The following CCDC27 variants were observed in gnomAD, a reference collection of about 807,000 sequenced individuals.
CCDC27 encodes the protein coiled-coil domain containing 27.
A neutral mutation model predicts 80.3 loss-of-function variants in CCDC27; 80 were observed. The observed-to-expected ratio is 1.00, with a 90% CI of 0.83 to 1.20. The LOEUF (loss-of-function observed/expected upper bound fraction) is 1.20, where lower values mean the gene tolerates loss of function less well. Ranked by LOEUF, CCDC27 falls within the 50% of genes most tolerant of loss-of-function variation. The pLI is 0.00. For missense variants in CCDC27, 815 were observed against 809.4 expected (o/e 1.01, Z -0.08); for synonymous variants, 342 against 334.3 (o/e 1.02, Z -0.25).
At chr1:3,754,519 G>T (rs1308278043) in intron 2 of CCDC27, among the ~76,000 whole-genome samples, 1 of 152,102 alleles carries the variant, frequency 6.6e-6, no homozygotes, top group Admixed American at 6.5e-5. Flanking sequence ...AATTCAGTAG[G>T]GTCAGGGGCT....
chr1:3,753,941 G>A (rs1570698165), intron 1 of CCDC27, among the ~76,000 whole-genome samples, 177 bp from the exon 2 acceptor site: 1 of 152,106 alleles, frequency 6.6e-6, no homozygotes, highest in African/African-American at 2.4e-5. Context: ...CAGGTCTCTG[G>A]GGAGGCCTGA....
intron 1 of CCDC27, among the ~76,000 whole-genome samples, chr1:3,753,880 A>G (rs1019220056): frequency 1.3e-5 from 2 of 151,970 alleles, no homozygotes; most frequent in East Asian, 3.9e-4. Flanking sequence ...AGGATGCCTA[A>G]GAAGCTCTCG....
rs752552695 is a variant in CCDC27 at position 3,755,510 on chromosome 1, T to C, written c.496T>C (p.Trp166Arg). 6.2e-7 allele frequency: 1 copy of C among 1,614,170 alleles called. No homozygotes were observed. The highest frequency in any genetic ancestry group is 1.7e-5 in the Admixed American group (1 of 60,034). ...AGAGATTGACAACAGCTCGGAGACC[T>C]GGAGAGGCACCCAGGACCTGTTCTT... is the stretch of plus-strand genomic sequence containing the variant. ...SGEIDNSSET[W>R]RGTQDLFLAR... The change falls in exon 3 of 12, where the codon TGG (tryptophan) becomes CGG (arginine). Residue 166 changes from tryptophan to arginine, a missense_variant. Physicochemically the swap from Trp to Arg is moderately radical, Grantham distance 101 (BLOSUM62 -3). Coordinates refer to ENST00000294600, the MANE Select transcript of CCDC27 (RefSeq NM_152492.3).
In CCDC27 at chr1:3,760,296, T is replaced by C. The variant is rs1349281505; in HGVS notation, c.712-985T>C. Among the ~76,000 whole-genome samples the C allele has an allele frequency of 3.9e-5, 6 of 152,192 alleles. No individual in the cohort carries two copies. Among genetic ancestry groups the C allele is most frequent in the Non-Finnish European group, 8.8e-5 (6 of 68,050 alleles). ...ACTTTTCCATTCCCCAAATGTTAAATGTGGCCACGTTTGCTTTATCCTTCT... is the reference window on the plus strand; with the variant it reads ...ACTTTTCCATTCCCCAAATGTTAAACGTGGCCACGTTTGCTTTATCCTTCT... On this transcript the variant is annotated intron_variant, in intron 4 of 11. Coordinates refer to ENST00000294600, the MANE Select transcript of CCDC27 (RefSeq NM_152492.3). The surrounding 1 kb of genome is among the most constrained non-coding windows in gnomAD (Gnocchi z 4.3).
In CCDC27 at chr1:3,766,211, T is replaced by C. The variant is rs1181308545; in HGVS notation, c.1453-324T>C. Among the ~76,000 whole-genome samples, 1 of 152,166 alleles carries C rather than the reference T, an allele frequency of 6.6e-6. No homozygotes were observed. The highest frequency in any genetic ancestry group is 2.4e-5 in the African/African-American group (1 of 41,432). On this transcript the variant is annotated intron_variant, in intron 8 of 11. Transcript: ENST00000294600. This position sits in a 1 kb window ranked among gnomAD's most constrained non-coding sequence, Gnocchi z 6.1. ...ATAACATTCCACCAATCATCCTCAT[T>C]TTAGCCTCCATGTTTAGAAGAACCC...
chr1:3,763,899 C>A lies in CCDC27; in HGVS notation c.1452+63C>A. The stretch of plus-strand genomic sequence containing the variant: ...CATGGGCCCCAGGCTTCATTAACCC[C>A]CGGCAGCTCGGGGCAGGCGCTGCCC... On this transcript the variant is annotated intron_variant, in intron 8 of 11. Transcript: ENST00000294600. The surrounding 1 kb of genome is among the most constrained non-coding windows in gnomAD (Gnocchi z 7.5). 3 of 1,582,346 alleles carry A rather than the reference C, an allele frequency of 1.9e-6. No homozygotes were observed. The highest frequency in any genetic ancestry group is 2.6e-6 in the Non-Finnish European group (3 of 1,161,422).
Position 3,766,652 on chromosome 1 carries a change from T to A in CCDC27, c.1530+40T>A, listed in dbSNP as rs368925895. The stretch of plus-strand genomic sequence containing the variant: ...GTCGTTAAATGATCAGCCAGGCCAC[T>A]GTTCTTACTGTAAGTCCCAACACAG... On this transcript the variant is annotated intron_variant, in intron 9 of 11. Transcript: ENST00000294600. This position sits in a 1 kb window ranked among gnomAD's most constrained non-coding sequence, Gnocchi z 6.1. The A allele has an allele frequency of 1.2e-5, 19 of 1,538,208 alleles. No individual in the cohort carries two copies. The African/African-American group carries it at 2.2e-4, about 18-fold the overall frequency.
rs1643220319 is a variant in CCDC27 at position 3,766,049 on chromosome 1, T to G, written c.1453-486T>G. Among the ~76,000 whole-genome samples the G allele has an allele frequency of 6.6e-6, 1 of 152,078 alleles. No homozygotes were observed. Among genetic ancestry groups the G allele is most frequent in the South Asian group, 2.1e-4 (1 of 4,822 alleles). On this transcript the variant is annotated intron_variant, in intron 8 of 11. Transcript: ENST00000294600. This position sits in a 1 kb window ranked among gnomAD's most constrained non-coding sequence, Gnocchi z 6.1. The stretch of plus-strand genomic sequence containing the variant: ...CACACCCAACCAATGTTCTTATTTT[T>G]TGTAGAGATAGGATCTATGTTACCC...
At position 3,758,477 on chromosome 1, in the gene CCDC27, C is replaced by T. The variant is rs527377143; in HGVS notation, c.711+1587C>T. Among the ~76,000 whole-genome samples the T allele has an allele frequency of 3.6e-3, 529 of 148,540 alleles. 1 individual carries two copies. The highest frequency in any genetic ancestry group is 5.8e-3 in the Non-Finnish European group (393 of 67,238). On this transcript the variant is annotated intron_variant, in intron 4 of 11. Coordinates refer to ENST00000294600, the MANE Select transcript of CCDC27 (RefSeq NM_152492.3). Reference sequence around the variant, plus strand: ...CTGGGACTACAGGCGTGAGCCACTGCGCTCAGCCTTTATTTTTTAGAGAAA... The same window carrying T: ...CTGGGACTACAGGCGTGAGCCACTGTGCTCAGCCTTTATTTTTTAGAGAAA...
rs1643295267 is a variant in CCDC27 at position 3,768,959 on chromosome 1, C to A, written c.1744-824C>A. 6.6e-6 allele frequency among the ~76,000 whole-genome samples: 1 copy of A among 152,192 alleles called. No homozygotes were observed. Among genetic ancestry groups the A allele is most frequent in the Non-Finnish European group, 1.5e-5 (1 of 68,032 alleles). On this transcript the variant is annotated intron_variant, in intron 10 of 11. Transcript: ENST00000294600. The surrounding 1 kb of genome is among the most constrained non-coding windows in gnomAD (Gnocchi z 5.6). ...ACACAGGCCAGGGGCCCATGACATTCCTGCTGTCACTTAAACCTGTCCGAG... is the reference window on the plus strand; with the variant it reads ...ACACAGGCCAGGGGCCCATGACATTACTGCTGTCACTTAAACCTGTCCGAG...
rs1642901191 is a variant in CCDC27 at position 3,754,306 on chromosome 1, C to T, written c.442+65C>T. On this transcript the variant is annotated intron_variant, in intron 2 of 11. Transcript: ENST00000294600. Reference sequence around the variant, plus strand: ...TCAGAGTCGAGGGGCCGGGGGAGGCCTTCCTGCACCCTTCAGCCTGCGAGC... The same window carrying T: ...TCAGAGTCGAGGGGCCGGGGGAGGCTTTCCTGCACCCTTCAGCCTGCGAGC... 9.4e-6 allele frequency: 14 copies of T among 1,485,566 alleles called. No individual in the cohort carries two copies. In the South Asian group the frequency reaches 1.8e-4, roughly 19 times the overall value. The allele number at this position is 1,485,566 out of a possible 1,614,324, so 92.0% of individuals were successfully genotyped here. A position where few individuals can be genotyped will look rare whatever the true frequency, so the allele number is the denominator to read the frequency against.
At position 3,756,909 on chromosome 1, in the gene CCDC27, C is replaced by A; in HGVS notation, c.711+19C>A. On this transcript the variant is annotated intron_variant, in intron 4 of 11. Transcript: ENST00000294600. The stretch of plus-strand genomic sequence containing the variant: ...CGAGAAGGTACTGGCGGAGGGGGTG[C>A]AAATCCCGGCCCCCCACCCCTCTCT... The A allele has an allele frequency of 6.2e-7, 1 of 1,601,212 alleles. No individual in the cohort carries two copies. The highest frequency in any genetic ancestry group is 8.5e-7 in the Non-Finnish European group (1 of 1,172,340).
chr1:3,767,467 G>A, intron 10 of CCDC27, 22 bp downstream of exon 10: 4 of 1,592,186 alleles, frequency 2.5e-6, no homozygotes, highest in Non-Finnish European at 3.4e-6. Context: ...CCTTCCTCCT[G>A]AGGGTCTGTC....
In CCDC27 at chr1:3,763,904, A is replaced by G; in HGVS notation, c.1452+68A>G. ...GCCCCAGGCTTCATTAACCCCCGGC[A>G]GCTCGGGGCAGGCGCTGCCCGTCCC... On this transcript the variant is annotated intron_variant, in intron 8 of 11. Coordinates refer to ENST00000294600, the MANE Select transcript of CCDC27 (RefSeq NM_152492.3). The surrounding 1 kb of genome is among the most constrained non-coding windows in gnomAD (Gnocchi z 7.5). 1 of 1,571,680 alleles carries G rather than the reference A, an allele frequency of 6.4e-7. No homozygotes were observed. The highest frequency in any genetic ancestry group is 1.1e-5 in the South Asian group (1 of 87,018).
rs565360231 is a variant in CCDC27 at position 3,756,812 on chromosome 1, G to A, written c.633G>A (p.Pro211=). 2.5e-5 allele frequency: 40 copies of A among 1,614,022 alleles called. No individual in the cohort carries two copies. The highest frequency in any genetic ancestry group is 3.2e-5 in the Non-Finnish European group (38 of 1,180,014). The change falls in exon 4 of 12, where the codon CCG becomes CCA. Residue 211 remains proline, a synonymous_variant. Coordinates refer to ENST00000294600, the MANE Select transcript of CCDC27 (RefSeq NM_152492.3). ...RKRRKSQTLS[P]VTSSSVASQS... ...GGAGAAAATCCCAGACTTTGAGTCC[G>A]GTCACCAGCAGCTCAGTCGCATCTC... is the stretch of plus-strand genomic sequence containing the variant.
rs1045153756 is a variant in CCDC27, at chr1:3,755,764, C to G, written c.553+197C>G. ...CTTCCCTGACAGCATAGGCTGCAGTCCCCCCAGGACCGTGGCCCCTTGTCT... is the reference window on the plus strand; with the variant it reads ...CTTCCCTGACAGCATAGGCTGCAGTGCCCCCAGGACCGTGGCCCCTTGTCT... On this transcript the variant is annotated intron_variant, in intron 3 of 11. Coordinates refer to ENST00000294600, the MANE Select transcript of CCDC27 (RefSeq NM_152492.3). 27 of 576,490 alleles carry G rather than the reference C, an allele frequency of 4.7e-5. No homozygotes were observed. In the Admixed American group the frequency reaches 7.8e-4, roughly 17 times the overall value. The allele number at this position is 576,490 out of a possible 1,614,324, so 35.7% of individuals were successfully genotyped here.
chr1:3,762,565 C>A, intron 5 of CCDC27, 55 bp from the exon 6 acceptor site: 1 of 1,417,876 alleles, frequency 7.1e-7, no homozygotes, highest in Non-Finnish European at 9.7e-7. Context: ...GTGGTCTGTC[C>A]CTGGGGTGCT....
chr1:3,758,195 ATTT>A (rs1302830304), intron 4 of CCDC27, among the ~76,000 whole-genome samples: 1 of 151,892 alleles, frequency 6.6e-6, no homozygotes, highest in African/African-American at 2.4e-5. Flanking sequence ...TAATTAATTT[ATTT>A]ATTTATTTTT....
chr1:3,757,705 CGAG>C (rs1642990535), intron 4 of CCDC27, among the ~76,000 whole-genome samples: 1 of 152,042 alleles, frequency 6.6e-6, no homozygotes, highest in Non-Finnish European at 1.5e-5. Flanking sequence ...GACAGATCCA[CGAG>C]GTCAGGAGAT....
Sources: gnomAD v4.1 joint callset for allele counts (sites outside exome capture counted in the v4.1 genomes callset) on GRCh38, gnomAD v4.1.1 for gene constraint, Gnocchi (gnomAD v3.1) non-coding constraint, MANE v1.5 for transcripts, NCBI Gene and HGNC (gene_info 2026-07-23, HGNC 2026-07-21) for gene names.